PUS10: variants seen among roughly 807,000 people sequenced by gnomAD.
PUS10 encodes the protein tRNA pseudouridine synthase Pus10.
Under a neutral mutation model 75.0 loss-of-function variants are expected in PUS10, and 59 were observed. That is an observed-to-expected ratio of 0.79 (90% CI 0.64 to 0.98). The LOEUF (loss-of-function observed/expected upper bound fraction) is 0.98, where lower values mean the gene tolerates loss of function less well. Among genes scored for constraint, PUS10 ranks in the 50% least tolerant of loss-of-function variants. PUS10 has a pLI of 0.00. For synonymous variants in PUS10, 219 were observed against 211.6 expected, an observed-to-expected ratio of 1.03 and a Z score of -0.30; for missense variants, 650 against 614.4, an observed-to-expected ratio of 1.06 and a Z score of -0.61.
At chr2:61,008,115 C>T (rs1308262449) in intron 3 of PUS10, among the ~76,000 whole-genome samples, 1 of 151,904 alleles carries the variant, frequency 6.6e-6, no homozygotes, top group African/African-American at 2.4e-5. Context: ...TGGCCGGGTA[C>T]AGTGACTCAC....
At chr2:60,958,651 A>G (rs535794145) in intron 11 of PUS10, among the ~76,000 whole-genome samples, 2 of 152,332 alleles carry the variant, frequency 1.3e-5, no homozygotes, top group South Asian at 4.1e-4. Context: ...TGAGAGGCCA[A>G]GGCAGATGGA....
At chr2:61,017,616 G>A in intron 1 of PUS10, 1 of 607,894 alleles carries the variant, frequency 1.6e-6, no homozygotes, top group Non-Finnish European at 2.9e-6. Context: ...AGCTGGCAAA[G>A]TAACTCAAGC....
chr2:61,017,529 G>A, intron 1 of PUS10: 1 of 516,484 alleles, frequency 1.9e-6, no homozygotes, highest in Non-Finnish European at 3.5e-6. Flanking sequence ...GGTTTAGAAA[G>A]GCAGCTCTTT....
At position 61,018,041 on chromosome 2, in the gene PUS10, G is replaced by A; in HGVS notation, c.-49C>T. The A allele has an allele frequency of 6.9e-7, 1 of 1,448,342 alleles. No homozygotes were observed. The allele number at this position is 1,448,342 out of a possible 1,614,324, so 89.7% of individuals were successfully genotyped here. On this transcript the variant is annotated 5_prime_UTR_variant, in exon 1 of 18. Transcript: ENST00000316752. ...ACTTTAGTGTCTCACAGCTGTTTCTGACCCGGCAGCTCTAATCAGCAACGT... is the reference window on the plus strand; with the variant it reads ...ACTTTAGTGTCTCACAGCTGTTTCTAACCCGGCAGCTCTAATCAGCAACGT...
chr2:60,995,771 T>G (rs1310268929), intron 4 of PUS10, among the ~76,000 whole-genome samples: 1 of 152,222 alleles, frequency 6.6e-6, no homozygotes. Flanking sequence ...ATTGTAAATT[T>G]TAAAGAGGCC....
intron 10 of PUS10, 42 bp downstream of exon 10, chr2:60,961,421 G>T: frequency 2.1e-6 from 3 of 1,414,136 alleles, no homozygotes; most frequent in Non-Finnish European, 3.0e-6. Flanking sequence ...AGAAAGGAGA[G>T]TACGTTCACA....
At chr2:60,954,227 G>T (rs1045181817) in intron 12 of PUS10, 69 bp from the exon 13 acceptor site, 14 of 1,471,802 alleles carry the variant, frequency 9.5e-6, no homozygotes, top group Admixed American at 1.8e-5. Flanking sequence ...TAATGCAAGA[G>T]GGTTAGGAGG....
chr2:60,985,334 T>G (rs1221965829), intron 4 of PUS10, among the ~76,000 whole-genome samples: 2 of 152,194 alleles, frequency 1.3e-5, no homozygotes, highest in African/African-American at 4.8e-5. Flanking sequence ...ACTATATTTA[T>G]AGGATCCTTG....
chr2:60,948,260 C>T (rs1269548714), intron 15 of PUS10, 75 bp from the exon 16 acceptor site: 1 of 1,428,974 alleles, frequency 7.0e-7, no homozygotes, highest in Non-Finnish European at 9.8e-7. Flanking sequence ...GCCCTTCCCT[C>T]ACCATCCATA....
At position 60,961,483 on chromosome 2, in the gene PUS10, T is replaced by C. The variant is rs1676023397; in HGVS notation, c.854A>G (p.His285Arg). Residue 285 changes from histidine (H) to arginine (R), a missense_variant, in exon 10 of 18, where the codon CAT becomes CGT. Physicochemically the swap from His to Arg is conservative, Grantham distance 29. Transcript: ENST00000316752. The part of the protein sequence containing the change: ...VCAVLEIECA[H>R]GAVFVAGRYN... ...TTTACCAGCCACAAAAACAGCACCA[T>C]GAGCACATTCAATTTCAAGAACAGC... 2 of 1,614,014 alleles carry C rather than the reference T, an allele frequency of 1.2e-6. No homozygotes were observed. Among genetic ancestry groups the C allele is most frequent in the Non-Finnish European group, 1.7e-6 (2 of 1,179,900 alleles).
At chr2:60,961,670 C>A in intron 9 of PUS10, 122 bp from the exon 10 acceptor site, 1 of 821,636 alleles carries the variant, frequency 1.2e-6, no homozygotes, top group South Asian at 1.5e-5. Context: ...CTTTTAGTTT[C>A]GCAACAATAC....
At chr2:60,960,843 TAAA>T (rs34578958) in intron 10 of PUS10, among the ~76,000 whole-genome samples, 14 of 120,630 alleles carry the variant, frequency 1.2e-4, no homozygotes, top group South Asian at 5.9e-4. Context: ...ATACCAAGGA[TAAA>T]AAAAAAAAAA....
At chr2:61,014,448 A>T (rs1204080679) in intron 1 of PUS10, among the ~76,000 whole-genome samples, 1 of 152,234 alleles carries the variant, frequency 6.6e-6, no homozygotes, top group Non-Finnish European at 1.5e-5. Flanking sequence ...AATATTTGAG[A>T]GCAACTGTTT....
At chr2:61,014,378 TCAAA>T (rs1371613290) in intron 1 of PUS10, among the ~76,000 whole-genome samples, 6 of 151,996 alleles carry the variant, frequency 3.9e-5, no homozygotes, top group African/African-American at 1.2e-4. Flanking sequence ...AAATTCCATC[TCAAA>T]CAAACAAGCA....
chr2:60,959,315 T>A (rs1675869931), intron 11 of PUS10, among the ~76,000 whole-genome samples: 1 of 152,214 alleles, frequency 6.6e-6, no homozygotes, highest in Non-Finnish European at 1.5e-5. Context: ...TGTACCAAGG[T>A]CAGGGCTTAG....
chr2:60,982,995 T>C (rs1464055841), intron 4 of PUS10, among the ~76,000 whole-genome samples: 1 of 152,060 alleles, frequency 6.6e-6, no homozygotes, highest in Admixed American at 6.6e-5. Context: ...ATTCTAAGAA[T>C]TTATCAGACA....
chr2:60,996,115 T>C (rs887438581), intron 4 of PUS10, among the ~76,000 whole-genome samples: 4 of 152,216 alleles, frequency 2.6e-5, no homozygotes, highest in Non-Finnish European at 4.4e-5. Flanking sequence ...TGACTGTGGC[T>C]TCCTCCTCAC....
chr2:60,949,296 T>C (rs1286827737), intron 15 of PUS10, among the ~76,000 whole-genome samples: 2 of 152,148 alleles, frequency 1.3e-5, no homozygotes, highest in African/African-American at 4.8e-5. Context: ...TATAAAGACA[T>C]GGCTTCCACT....
intron 1 of PUS10, among the ~76,000 whole-genome samples, chr2:61,012,977 C>T (rs566800561): frequency 6.7e-6 from 1 of 148,856 alleles, no homozygotes; most frequent in East Asian, 2.0e-4. Context: ...GGTGCAGTGG[C>T]TCACATCTAT....
Sources: allele counts gnomAD v4.1 joint callset (sites outside exome capture counted in the v4.1 genomes callset), GRCh38; gene constraint gnomAD v4.1.1; transcripts MANE v1.5; gene names NCBI Gene and HGNC (gene_info 2026-07-23, HGNC 2026-07-21).